Variants in CSGALNACT1 observed in about 807,000 individuals in gnomAD.
The protein encoded by CSGALNACT1 is beta4GalNAcT-1.
A neutral mutation model predicts 51.0 loss-of-function variants in CSGALNACT1; 52 were observed. The observed-to-expected ratio is 1.02, with a 90% CI of 0.82 to 1.29. The LOEUF (loss-of-function observed/expected upper bound fraction) is 1.29. CSGALNACT1 is among the 50% of genes most tolerant of loss of function. CSGALNACT1 has a pLI of 0.00. For missense variants in CSGALNACT1, 935 were observed against 679.2 expected, an observed-to-expected ratio of 1.38 and a Z score of -4.19; for synonymous variants, 341 against 254.4, an observed-to-expected ratio of 1.34 and a Z score of -3.24.
At chr8:19,714,388 C>G (rs2154234907) in intron 1 of CSGALNACT1, among the ~76,000 whole-genome samples, 1 of 152,002 alleles carries the variant, frequency 6.6e-6, no homozygotes, top group African/African-American at 2.4e-5. Context: ...CCTCTCGGAT[C>G]TGTAATTTGG....
chr8:19,502,926 G>T (rs2076661305), intron 4 of CSGALNACT1, among the ~76,000 whole-genome samples: 2 of 151,472 alleles, frequency 1.3e-5, no homozygotes, highest in South Asian at 4.2e-4. Flanking sequence ...CCCAGTTGAT[G>T]ATAGAATTCT....
At chr8:19,627,082 C>G (rs563764562) in intron 1 of CSGALNACT1, among the ~76,000 whole-genome samples, 1 of 152,308 alleles carries the variant, frequency 6.6e-6, no homozygotes, top group Non-Finnish European at 1.5e-5. Context: ...AAAACATTCT[C>G]ACATAAAATG....
chr8:19,580,018 G>A (rs144034428), intron 3 of CSGALNACT1, among the ~76,000 whole-genome samples: 1 of 152,188 alleles, frequency 6.6e-6, no homozygotes, highest in Non-Finnish European at 1.5e-5. Flanking sequence ...CAAAACTTGA[G>A]GGGTTAAGGA....
chr8:19,657,749 G>C (rs2058408570), intron 1 of CSGALNACT1, among the ~76,000 whole-genome samples: 1 of 152,204 alleles, frequency 6.6e-6, no homozygotes, highest in South Asian at 2.1e-4. Context: ...AAAACAAGAA[G>C]TGCTAGGAGA....
At chr8:19,666,967 G>T (rs1250426527) in intron 1 of CSGALNACT1, among the ~76,000 whole-genome samples, 1 of 9,988 alleles carries the variant, frequency 1.0e-4, no homozygotes, top group Non-Finnish European at 1.7e-4. Context: ...AAGAAAGAAA[G>T]AAAGAAAGAA....
chr8:19,651,525 C>T (rs1380096750), intron 1 of CSGALNACT1, among the ~76,000 whole-genome samples: 1 of 152,188 alleles, frequency 6.6e-6, no homozygotes, highest in East Asian at 1.9e-4. Flanking sequence ...ACTTGGTTTT[C>T]TGTTCCTGCA....
chr8:19,408,941 G>A (rs1432773951), intron 8 of CSGALNACT1, among the ~76,000 whole-genome samples: 1 of 74,542 alleles, frequency 1.3e-5, no homozygotes, highest in Non-Finnish European at 3.2e-5. Flanking sequence ...CTAGGGCATA[G>A]ATATGAAAAC....
chr8:19,699,004 A>G (rs753189302), intron 1 of CSGALNACT1, among the ~76,000 whole-genome samples: 26 of 152,148 alleles, frequency 1.7e-4, no homozygotes, highest in Non-Finnish European at 2.9e-5. Context: ...TGTAAAGGCT[A>G]TGTAAATAAT....
chr8:19,679,903 T>C (rs1232351786), intron 1 of CSGALNACT1, among the ~76,000 whole-genome samples: 1 of 152,200 alleles, frequency 6.6e-6, no homozygotes, highest in African/African-American at 2.4e-5. Flanking sequence ...ACTGAATTCA[T>C]AGACCTTCTG....
intron 3 of CSGALNACT1, among the ~76,000 whole-genome samples, chr8:19,520,399 T>G (rs1039095279): frequency 6.6e-6 from 1 of 152,198 alleles, no homozygotes; most frequent in South Asian, 2.1e-4. Flanking sequence ...TTGCAGACAA[T>G]ATTTTTAAGG....
chr8:19,538,092 A>G (rs2084185795), intron 3 of CSGALNACT1, among the ~76,000 whole-genome samples: 1 of 152,174 alleles, frequency 6.6e-6, no homozygotes, highest in Admixed American at 6.6e-5. Flanking sequence ...CTGAGGCAGG[A>G]GGATGCTTGA....
At chr8:19,479,108 C>A (rs1037670362) in intron 4 of CSGALNACT1, among the ~76,000 whole-genome samples, 2 of 152,158 alleles carry the variant, frequency 1.3e-5, no homozygotes, top group African/African-American at 4.8e-5. Flanking sequence ...TGTTATGATG[C>A]GATGAAGCAG....
chr8:19,741,325 C>T (rs1395282217), intron 1 of CSGALNACT1, among the ~76,000 whole-genome samples: 1 of 152,006 alleles, frequency 6.6e-6, no homozygotes, highest in Non-Finnish European at 1.5e-5. Flanking sequence ...AGCACTTTGG[C>T]AGGCTGAGGC....
chr8:19,475,704 A>G (rs1309916286), intron 4 of CSGALNACT1, among the ~76,000 whole-genome samples: 1 of 152,202 alleles, frequency 6.6e-6, no homozygotes, highest in East Asian at 1.9e-4. Flanking sequence ...TGTCAACCCA[A>G]CAGGAACATC....
chr8:19,503,446 G>T (rs1587388925), intron 4 of CSGALNACT1, among the ~76,000 whole-genome samples: 2 of 152,182 alleles, frequency 1.3e-5, no homozygotes, highest in Admixed American at 6.5e-5. Flanking sequence ...TATGAATGCA[G>T]ATTGAACATC....
chr8:19,621,345 G>T (rs984585212), intron 1 of CSGALNACT1, among the ~76,000 whole-genome samples: 2 of 152,078 alleles, frequency 1.3e-5, no homozygotes, highest in Admixed American at 1.3e-4. Context: ...CTAGGCATGT[G>T]TCACACATCC....
intron 1 of CSGALNACT1, among the ~76,000 whole-genome samples, chr8:19,616,677 C>G (rs557939980): frequency 5.9e-5 from 9 of 151,278 alleles, no homozygotes; most frequent in Admixed American, 1.3e-4. Flanking sequence ...GTACCTCCCC[C>G]CTCATTCTCT....
chr8:19,555,731 C>T (rs933797074), intron 3 of CSGALNACT1, among the ~76,000 whole-genome samples: 1 of 152,104 alleles, frequency 6.6e-6, no homozygotes. Context: ...AGATCTATTT[C>T]TACTCACAAT....
At chr8:19,495,787 T>C (rs1563727033) in intron 4 of CSGALNACT1, among the ~76,000 whole-genome samples, 1 of 152,146 alleles carries the variant, frequency 6.6e-6, no homozygotes, top group South Asian at 2.1e-4. Context: ...TGTGAGGTGA[T>C]GATAAAGAGA....
Sources: allele counts gnomAD v4.1 joint callset (sites outside exome capture counted in the v4.1 genomes callset), GRCh38; gene constraint gnomAD v4.1.1; transcripts MANE v1.5; gene names NCBI Gene and HGNC (gene_info 2026-07-23, HGNC 2026-07-21).